The following CSGALNACT1 variants were observed in gnomAD, a reference collection of about 807,000 sequenced individuals.
The protein encoded by CSGALNACT1 is chondroitin sulfate N-acetylgalactosaminyltransferase 1.
In CSGALNACT1, 52 loss-of-function variants were observed where a neutral mutation model predicts 51.0. That is an observed-to-expected ratio of 1.02 (90% CI 0.82 to 1.29). The LOEUF is 1.29. Among genes scored for constraint, CSGALNACT1 ranks in the 50% most tolerant of loss-of-function variants. The pLI is 0.00. For missense variants in CSGALNACT1, 935 were observed against 679.2 expected (o/e 1.38, Z -4.19); for synonymous variants, 341 against 254.4 (o/e 1.34, Z -3.24).
chr8:19,469,374 G>C (rs769373572), intron 4 of CSGALNACT1, among the ~76,000 whole-genome samples: 4 of 152,108 alleles, frequency 2.6e-5, no homozygotes, highest in Admixed American at 1.3e-4. Flanking sequence ...CTGGGTGACA[G>C]AGCAACACCC....
At chr8:19,755,747 A>C (rs1347499164) in intron 1 of CSGALNACT1, among the ~76,000 whole-genome samples, 1 of 152,224 alleles carries the variant, frequency 6.6e-6, no homozygotes, top group African/African-American at 2.4e-5. Context: ...CAAATGTCGG[A>C]GATTCTGCTT....
intron 1 of CSGALNACT1, among the ~76,000 whole-genome samples, chr8:19,738,119 C>T (rs183646860): frequency 6.6e-6 from 1 of 152,104 alleles, no homozygotes; most frequent in Non-Finnish European, 1.5e-5. Context: ...CTCAGCTACT[C>T]GAGAGGCTGA....
At chr8:19,697,649 C>A (rs1157450989) in intron 1 of CSGALNACT1, among the ~76,000 whole-genome samples, 1 of 152,154 alleles carries the variant, frequency 6.6e-6, no homozygotes, top group Non-Finnish European at 1.5e-5. Flanking sequence ...ACCCAGCAAG[C>A]TCCATGCTAT....
chr8:19,625,650 C>CA (rs2154165803), intron 1 of CSGALNACT1, among the ~76,000 whole-genome samples: 1 of 152,324 alleles, frequency 6.6e-6, no homozygotes, highest in South Asian at 2.1e-4. Context: ...TATAGCGGAT[C>CA]ATGCTGTCTC....
intron 4 of CSGALNACT1, among the ~76,000 whole-genome samples, chr8:19,489,634 T>C (rs571473488): frequency 6.6e-6 from 1 of 152,298 alleles, no homozygotes; most frequent in Non-Finnish European, 1.5e-5. Flanking sequence ...GGGGAGACCC[T>C]GATGAATTAA....
chr8:19,675,678 G>C (rs1429233085), intron 1 of CSGALNACT1, among the ~76,000 whole-genome samples: 2 of 152,082 alleles, frequency 1.3e-5, no homozygotes, highest in Admixed American at 6.6e-5. Flanking sequence ...ATTTTTAGTA[G>C]AGACAGGGTT....
intron 1 of CSGALNACT1, among the ~76,000 whole-genome samples, chr8:19,687,929 C>T (rs2061067485): frequency 6.6e-6 from 1 of 152,176 alleles, no homozygotes; most frequent in Non-Finnish European, 1.5e-5. Flanking sequence ...TCTGAGAACA[C>T]ATAAACAGCC....
intron 3 of CSGALNACT1, among the ~76,000 whole-genome samples, chr8:19,573,887 C>T (rs990680125): frequency 6.6e-6 from 1 of 152,146 alleles, no homozygotes; most frequent in African/African-American, 2.4e-5. Context: ...GGACTGGTTC[C>T]ATCATAAGCT....
chr8:19,698,917 T>C (rs1406729906), intron 1 of CSGALNACT1, among the ~76,000 whole-genome samples: 1 of 152,230 alleles, frequency 6.6e-6, no homozygotes, highest in Non-Finnish European at 1.5e-5. Flanking sequence ...TAAAATGCCA[T>C]AGGATTTGCA....
chr8:19,667,257 C>T (rs1181186181), intron 1 of CSGALNACT1, among the ~76,000 whole-genome samples: 1 of 131,522 alleles, frequency 7.6e-6, no homozygotes, highest in Non-Finnish European at 1.6e-5. Flanking sequence ...CCCATCTCTA[C>T]CAAAAAAAAA....
At chr8:19,728,879 A>C (rs1292094889) in intron 1 of CSGALNACT1, among the ~76,000 whole-genome samples, 2 of 152,128 alleles carry the variant, frequency 1.3e-5, no homozygotes, top group Non-Finnish European at 2.9e-5. Context: ...ACCTTTGAGA[A>C]GGTGAAATTA....
At chr8:19,674,756 A>G (rs1343993458) in intron 1 of CSGALNACT1, among the ~76,000 whole-genome samples, 1 of 152,170 alleles carries the variant, frequency 6.6e-6, no homozygotes, top group East Asian at 1.9e-4. Flanking sequence ...GGCAGTTAGG[A>G]GGCAGTGATG....
intron 1 of CSGALNACT1, among the ~76,000 whole-genome samples, chr8:19,651,274 C>A (rs767712699): frequency 2.6e-5 from 4 of 151,914 alleles, no homozygotes; most frequent in Non-Finnish European, 4.4e-5. Context: ...TTTTCTCCAA[C>A]TTTTATTTTA....
chr8:19,554,117 C>T (rs911574676), intron 3 of CSGALNACT1, among the ~76,000 whole-genome samples: 3 of 151,946 alleles, frequency 2.0e-5, no homozygotes, highest in Admixed American at 6.6e-5. Flanking sequence ...AAAAACAAAG[C>T]CCACAGCTGA....
chr8:19,658,308 T>C (rs757287721), intron 1 of CSGALNACT1, among the ~76,000 whole-genome samples: 1 of 152,076 alleles, frequency 6.6e-6, no homozygotes, highest in East Asian at 1.9e-4. Context: ...AACCCCCAAA[T>C]TGAGAAAATA....
At chr8:19,407,872 T>C (rs549882987) in intron 9 of CSGALNACT1, among the ~76,000 whole-genome samples, 26 of 151,846 alleles carry the variant, frequency 1.7e-4, no homozygotes, top group African/African-American at 4.1e-4. Context: ...TGTATATGAA[T>C]TGTGTGTGCA....
intron 1 of CSGALNACT1, among the ~76,000 whole-genome samples, chr8:19,677,663 A>T (rs1170502590): frequency 6.6e-6 from 1 of 152,138 alleles, no homozygotes; most frequent in Non-Finnish European, 1.5e-5. Context: ...TTAGTATTGA[A>T]TGTAAATACT....
intron 2 of CSGALNACT1, among the ~76,000 whole-genome samples, chr8:19,598,685 T>C (rs898454888): frequency 7.9e-5 from 12 of 152,198 alleles, no homozygotes; most frequent in African/African-American, 2.9e-4. Flanking sequence ...TACCCCCAGA[T>C]GCTCCAGAAG....
intron 1 of CSGALNACT1, among the ~76,000 whole-genome samples, chr8:19,655,798 A>G (rs1164470790): frequency 1.3e-5 from 2 of 152,120 alleles, no homozygotes; most frequent in Non-Finnish European, 2.9e-5. Context: ...TATTCCAACT[A>G]TCTCTTCGAG....
Sources: allele counts gnomAD v4.1 joint callset (sites outside exome capture counted in the v4.1 genomes callset), GRCh38; gene constraint gnomAD v4.1.1; transcripts MANE v1.5; gene names NCBI Gene and HGNC (gene_info 2026-07-23, HGNC 2026-07-21).